Variants in KDM2A observed in about 807,000 individuals in gnomAD.
KDM2A encodes the protein lysine-specific demethylase 2A.
Under a neutral mutation model 137.3 loss-of-function variants are expected in KDM2A, and 3 were observed. That is an observed-to-expected ratio of 0.02 (90% CI 0.01 to 0.06). The LOEUF (loss-of-function observed/expected upper bound fraction) is 0.06, where lower values mean the gene tolerates loss of function less well. Among genes scored for constraint, KDM2A ranks in the 10% least tolerant of loss-of-function variants. KDM2A has a pLI of 1.00. For missense variants in KDM2A, 738 were observed against 1,510.6 expected (o/e 0.49, Z 8.48); for synonymous variants, 512 against 541.5 (o/e 0.95, Z 0.76).
intron 5 of KDM2A, chr11:67,196,077 CT>C (rs1857473987): frequency 2.5e-6 from 1 of 396,250 alleles, no homozygotes; most frequent in African/African-American, 2.1e-5. Context: ...CCCAGTTAAG[CT>C]GAGTCACACG....
intron 2 of KDM2A, among the ~76,000 whole-genome samples, chr11:67,149,529 A>C (rs1334746450): frequency 6.6e-6 from 1 of 152,088 alleles, no homozygotes. Flanking sequence ...TTTACAGATA[A>C]GGCTAAAGAG....
chr11:67,121,129 T>C (rs1479678180), intron 1 of KDM2A, 105 bp from the exon 2 acceptor site: 13 of 586,120 alleles, frequency 2.2e-5, no homozygotes, highest in Non-Finnish European at 4.0e-5. Flanking sequence ...AGGAACCTGA[T>C]TTTTCAGAGA....
chr11:67,161,349 GTATC>G (rs1233659302), intron 2 of KDM2A, among the ~76,000 whole-genome samples: 1 of 152,150 alleles, frequency 6.6e-6, no homozygotes, highest in Non-Finnish European at 1.5e-5. Flanking sequence ...ACTTTGGAGA[GTATC>G]TAGTGTATCA....
chr11:67,155,203 A>G (rs915797433), intron 2 of KDM2A, among the ~76,000 whole-genome samples: 6 of 151,732 alleles, frequency 4.0e-5, no homozygotes, highest in Non-Finnish European at 8.8e-5. Flanking sequence ...TTTTGTAGAG[A>G]TGGGGTTTTG....
intron 2 of KDM2A, among the ~76,000 whole-genome samples, chr11:67,139,399 C>T (rs991263550): frequency 2.6e-5 from 4 of 152,104 alleles, no homozygotes; most frequent in African/African-American, 4.8e-5. Context: ...CACCCACCAC[C>T]ACGCCCAGCA....
chr11:67,205,626 TTG>T (rs1294146544), intron 5 of KDM2A, among the ~76,000 whole-genome samples: 1 of 151,964 alleles, frequency 6.6e-6, no homozygotes, highest in Non-Finnish European at 1.5e-5. Flanking sequence ...TTTTTTTGTT[TTG>T]TGTGTGTGTA....
intron 2 of KDM2A, among the ~76,000 whole-genome samples, chr11:67,172,372 A>G (rs559248130): frequency 1.1e-4 from 16 of 152,302 alleles, no homozygotes; most frequent in African/African-American, 3.8e-4. Flanking sequence ...TAAATTTGGG[A>G]GAGTATTGCC....
chr11:67,182,256 T>G (rs1392316258), intron 5 of KDM2A, among the ~76,000 whole-genome samples: 1 of 152,202 alleles, frequency 6.6e-6, no homozygotes, highest in Non-Finnish European at 1.5e-5. Context: ...TAGAGAAATT[T>G]CCAGGAAATG....
chr11:67,129,314 T>C (rs1037943818), intron 2 of KDM2A, among the ~76,000 whole-genome samples: 1 of 152,160 alleles, frequency 6.6e-6, no homozygotes, highest in Non-Finnish European at 1.5e-5. Flanking sequence ...TCTGTCTAGG[T>C]ACAGTGACTT....
intron 5 of KDM2A, among the ~76,000 whole-genome samples, chr11:67,203,112 TCAA>T (rs1414182786): frequency 1.3e-5 from 2 of 151,948 alleles, no homozygotes; most frequent in Non-Finnish European, 2.9e-5. Flanking sequence ...TCAGCAGCCC[TCAA>T]CAATGAGGCA....
rs558963347 is a variant in KDM2A at position 67,222,117 on chromosome 11, A to G, written c.957+2714A>G. 2.2e-3 allele frequency among the ~76,000 whole-genome samples: 202 copies of G among 92,294 alleles called. 1 individual carries two copies. The highest frequency in any genetic ancestry group is 8.1e-3 in the African/African-American group (188 of 23,100). 60.5% of individuals were successfully genotyped at this position (92,294 alleles called of 152,430 possible). On this transcript the variant is annotated intron_variant, in intron 10 of 20. Coordinates refer to ENST00000529006, the MANE Select transcript of KDM2A (RefSeq NM_012308.3). Reference sequence around the variant, plus strand: ...TATTGATAATTCTTGGGTGTTTCTCACAGAGGGGGATTTGGCAGGGTCATG... The same window carrying G: ...TATTGATAATTCTTGGGTGTTTCTCGCAGAGGGGGATTTGGCAGGGTCATG...
chr11:67,238,319 T>G (rs902684383), intron 12 of KDM2A, among the ~76,000 whole-genome samples: 1 of 152,188 alleles, frequency 6.6e-6, no homozygotes, highest in Non-Finnish European at 1.5e-5. Flanking sequence ...AACTTGAACT[T>G]ACGTTTGTTT....
intron 10 of KDM2A, among the ~76,000 whole-genome samples, chr11:67,225,777 A>T (rs1858523168): frequency 6.7e-6 from 1 of 150,310 alleles, no homozygotes; most frequent in Non-Finnish European, 1.5e-5. Flanking sequence ...CTCTAAATAA[A>T]TAAATAGCTG....
chr11:67,122,699 A>G (rs1474349786), intron 2 of KDM2A, among the ~76,000 whole-genome samples: 2 of 146,722 alleles, frequency 1.4e-5, no homozygotes, highest in Admixed American at 1.4e-4. Context: ...TTTTTGAGAC[A>G]GAGTCTGGCT....
At chr11:67,216,353 C>T (rs1052858532) in intron 8 of KDM2A, among the ~76,000 whole-genome samples, 8 of 152,190 alleles carry the variant, frequency 5.3e-5, no homozygotes, top group Non-Finnish European at 1.0e-4. Flanking sequence ...CCAACTTTCC[C>T]TCTATGTAGC....
At chr11:67,155,865 C>T (rs1207016884) in intron 2 of KDM2A, among the ~76,000 whole-genome samples, 3 of 148,622 alleles carry the variant, frequency 2.0e-5, no homozygotes, top group East Asian at 2.0e-4. Flanking sequence ...ATCCGCCTGC[C>T]TCGGCCTCCC....
At chr11:67,240,237 A>T (rs773857530) in intron 12 of KDM2A, 1 of 1,535,488 alleles carries the variant, frequency 6.5e-7, no homozygotes, top group African/African-American at 1.4e-5. Flanking sequence ...AGAATATTCA[A>T]GTAAATCCGG....
At chr11:67,196,126 T>C (rs1487781961) in intron 5 of KDM2A, 1 of 385,906 alleles carries the variant, frequency 2.6e-6, no homozygotes, top group Non-Finnish European at 5.2e-6. Flanking sequence ...AGCAACGACA[T>C]AGTCACCCAT....
Position 67,254,175 on chromosome 11 carries a change from GATC to G in KDM2A, c.3092-27_3092-25del. The G allele has an allele frequency of 1.3e-6, 2 of 1,592,998 alleles. No individual in the cohort carries two copies. Among genetic ancestry groups the G allele is most frequent in the Non-Finnish European group, 1.7e-6 (2 of 1,165,084 alleles). On this transcript the variant is annotated intron_variant, in intron 19 of 20. Transcript: ENST00000529006. This position sits in a 1 kb window ranked among gnomAD's most constrained non-coding sequence, Gnocchi z 4.7. ...GCTGGATTAGAGAATTGAGAGTTTT[GATC>G]TAGGCTCTTCTCTTGCCTGTACAGG...
Sources: allele counts gnomAD v4.1 joint callset (sites outside exome capture counted in the v4.1 genomes callset), GRCh38; gene constraint gnomAD v4.1.1; non-coding constraint Gnocchi (gnomAD v3.1); transcripts MANE v1.5; gene names NCBI Gene and HGNC (gene_info 2026-07-23, HGNC 2026-07-21).